Variants in MUC5AC observed in about 807,000 individuals in gnomAD.
MUC5AC encodes mucin-5AC.
In MUC5AC, 158 loss-of-function variants were observed where a neutral mutation model predicts 169.7. The ratio of observed to expected loss-of-function variants is 0.93; its 90% confidence interval spans 0.82 to 1.06. MUC5AC has a LOEUF of 1.06. Among genes scored for constraint, MUC5AC ranks in the 50% least tolerant of loss-of-function variants. MUC5AC has a pLI of 0.00. For synonymous variants in MUC5AC, 1,975 were observed against 1,237.0 expected (o/e 1.60, Z -12.52); for missense variants, 4,359 against 3,089.9 (o/e 1.41, Z -9.74).
chr11:1,164,458 CAG>C lies in MUC5AC; in HGVS notation c.1057_1058del (p.Asp353HisfsTer12). Reference sequence around the variant, plus strand: ...TACCACGAGTGCCGCTCCCCCTGCGCAGACACCTGCTCCAACCAGGAGCACTC... The same window carrying C: ...TACCACGAGTGCCGCTCCCCCTGCGCACACCTGCTCCAACCAGGAGCACTC... On this transcript the variant is annotated frameshift_variant, in exon 9 of 49. Coordinates refer to ENST00000621226, the MANE Select transcript of MUC5AC (RefSeq NM_001304359.2). LOFTEE classifies it high-confidence loss of function. 6.2e-7 allele frequency: 1 copy of C among 1,612,022 alleles called. No individual in the cohort carries two copies. Among genetic ancestry groups the C allele is most frequent in the Non-Finnish European group, 8.5e-7 (1 of 1,179,598 alleles).
rs1264929645 is a variant in MUC5AC, at chr11:1,165,437, T to G, written c.1247+18T>G. The G allele has an allele frequency of 8.9e-6, 13 of 1,455,444 alleles. No homozygotes were observed. Among genetic ancestry groups the G allele is most frequent in the Non-Finnish European group, 1.2e-5 (13 of 1,108,478 alleles). The allele number at this position is 1,455,444 out of a possible 1,614,324, so 90.2% of individuals were successfully genotyped here. On this transcript the variant is annotated intron_variant, in intron 10 of 48. Transcript: ENST00000621226. ...ACCAACTGGTAGGTCCCAGCCCCCCTCCAGGCCACCAAGGATGTGCTATGG... is the reference window on the plus strand; with the variant it reads ...ACCAACTGGTAGGTCCCAGCCCCCCGCCAGGCCACCAAGGATGTGCTATGG...
chr11:1,168,576 AC>A, intron 13 of MUC5AC, 24 bp downstream of exon 13: 2 of 1,612,110 alleles, frequency 1.2e-6, no homozygotes, highest in Non-Finnish European at 1.7e-6. Flanking sequence ...CTTCTTCCCC[AC>A]CCCGGGGCTG....
In MUC5AC at chr11:1,189,747, A is replaced by T; in HGVS notation, c.11602A>T (p.Thr3868Ser). Reference sequence around the variant, plus strand: ...TACAAGCAGCACAACCTCTGCTCCTACAGCCAGCACAATCTCTGCCCCTAC... The same window carrying T: ...TACAAGCAGCACAACCTCTGCTCCTTCAGCCAGCACAATCTCTGCCCCTAC... ...APTSSTTSAP[T>S]ASTISAPTTS... Residue 3868 changes from threonine to serine, a missense_variant, in exon 31 of 49, where the codon ACA (threonine) becomes TCA (serine). Coordinates refer to ENST00000621226, the MANE Select transcript of MUC5AC (RefSeq NM_001304359.2). 1 of 661,952 alleles carries T rather than the reference A, an allele frequency of 1.5e-6. No individual in the cohort carries two copies. The highest frequency in any genetic ancestry group is 2.8e-6 in the Non-Finnish European group (1 of 363,194). 41.0% of individuals were successfully genotyped at this position (661,952 alleles called of 1,614,324 possible). A position where few individuals can be genotyped will look rare whatever the true frequency, so the allele number is the denominator to read the frequency against.
chr11:1,162,206 G>A lies in MUC5AC; in HGVS notation c.473+38G>A, dbSNP rs372150343. The A allele has an allele frequency of 1.2e-4, 196 of 1,594,786 alleles. 3 individuals are homozygous for A. The highest frequency in any genetic ancestry group is 8.8e-4 in the East Asian group (39 of 44,526). ...TCTGGGATGGTGGGGGCCACGCGGC[G>A]TGTGGGGTGGCATTTCCGGGTGGTT... On this transcript the variant is annotated intron_variant, in intron 4 of 48. Transcript: ENST00000621226.
Position 1,177,140 on chromosome 11 carries a change from C to A in MUC5AC, c.2793+74C>A, listed in dbSNP as rs1464548453. Reference sequence around the variant, plus strand: ...CTGCTCACTGCCTCTCTGCGGCTGCCCCAGGGTGCACACAGGTTGTCCCCG... The same window carrying A: ...CTGCTCACTGCCTCTCTGCGGCTGCACCAGGGTGCACACAGGTTGTCCCCG... On this transcript the variant is annotated intron_variant, in intron 22 of 48. Coordinates refer to ENST00000621226, the MANE Select transcript of MUC5AC (RefSeq NM_001304359.2). The A allele has an allele frequency of 5.3e-5, 21 of 398,712 alleles. 1 individual carries two copies. In the South Asian group the frequency reaches 2.5e-3, roughly 48 times the overall value. The allele number at this position is 398,712 out of a possible 1,614,324, so 24.7% of individuals were successfully genotyped here.
chr11:1,186,504 A>T lies in MUC5AC; in HGVS notation c.8359A>T (p.Ser2787Cys). ...CAGCACAATCTCTGCCCCTACAACC[A>T]GCACAACTTTGTCTCCTACAACCAG... ...TTSTISAPTTSTTLSPTTSTT... is the reference protein window; with the variant it reads ...TTSTISAPTTCTTLSPTTSTT... The change falls in exon 31 of 49, where the codon AGC (serine) becomes TGC (cysteine). Residue 2787 changes from serine (S) to cysteine (C), a missense_variant. Coordinates refer to ENST00000621226, the MANE Select transcript of MUC5AC (RefSeq NM_001304359.2). 1.4e-6 allele frequency: 1 copy of T among 695,710 alleles called. No individual in the cohort carries two copies. The allele number at this position is 695,710 out of a possible 1,614,324, so 43.1% of individuals were successfully genotyped here. A position where few individuals can be genotyped will look rare whatever the true frequency, so the allele number is the denominator to read the frequency against.
chr11:1,199,916 G>A lies in MUC5AC; in HGVS notation c.16647G>A (p.Ser5549=), dbSNP rs774598914. ...LIIQQQGCSS[S]EPVRLAYCRG... ...TCCAGCAGCAGGGCTGCAGCTCCTC[G>A]GAGCCCGTGCGCCTGGCTTACTGCC... Residue 5549 remains serine (S), a synonymous_variant, in exon 48 of 49, where the codon TCG becomes TCA. Coordinates refer to ENST00000621226, the MANE Select transcript of MUC5AC (RefSeq NM_001304359.2). 8 of 764,584 alleles carry A rather than the reference G, an allele frequency of 1.0e-5. No individual in the cohort carries two copies. The highest frequency in any genetic ancestry group is 4.0e-5 in the South Asian group (3 of 74,488). 47.4% of individuals were successfully genotyped at this position (764,584 alleles called of 1,614,324 possible).
intron 25 of MUC5AC, 80 bp downstream of exon 25, chr11:1,178,763 G>A: frequency 1.3e-6 from 1 of 762,424 alleles, no homozygotes; most frequent in East Asian, 3.4e-5. Flanking sequence ...AGAAGGGAAT[G>A]GGGTCTGGGA....
Position 1,158,087 on chromosome 11 carries a change from CT to C in MUC5AC, c.73+16del. On this transcript the variant is annotated intron_variant, in intron 1 of 48. Transcript: ENST00000621226. The stretch of plus-strand genomic sequence containing the variant: ...CCGGCATACAGGTACGGCTTGGCCC[CT>C]GGCCGCTCTACTGGTCCTGGGTGGT... 1 of 1,589,316 alleles carries C rather than the reference CT, an allele frequency of 6.3e-7. No homozygotes were observed. The highest frequency in any genetic ancestry group is 1.7e-5 in the Admixed American group (1 of 57,538).
At chr11:1,158,419 T>C (rs1435110889) in intron 1 of MUC5AC, among the ~76,000 whole-genome samples, 1 of 152,216 alleles carries the variant, frequency 6.6e-6, no homozygotes, top group African/African-American at 2.4e-5. Context: ...TGGCCCCTGC[T>C]GGGCCTGGTC....
At position 1,159,722 on chromosome 11, in the gene MUC5AC, C is replaced by T. The variant is rs184546558; in HGVS notation, c.74-890C>T. ...CTGTGTGGGGCTGTGTGGGGCTGTG[C>T]GGGGCTGGGGTCTGGTCCCACCATG... On this transcript the variant is annotated intron_variant, in intron 1 of 48. Transcript: ENST00000621226. Among the ~76,000 whole-genome samples, 146 of 79,002 alleles carry T rather than the reference C, an allele frequency of 1.8e-3. 1 individual carries two copies. Among genetic ancestry groups the T allele is most frequent in the East Asian group, 2.3e-3 (5 of 2,170 alleles). 51.8% of individuals were successfully genotyped at this position (79,002 alleles called of 152,430 possible).
chr11:1,190,429 C>A lies in MUC5AC; in HGVS notation c.12284C>A (p.Thr4095Asn). 3.1e-6 allele frequency: 2 copies of A among 642,844 alleles called. No homozygotes were observed. The highest frequency in any genetic ancestry group is 5.7e-6 in the Non-Finnish European group (2 of 352,478). The allele number at this position is 642,844 out of a possible 1,614,324, so 39.8% of individuals were successfully genotyped here. A position where few individuals can be genotyped will look rare whatever the true frequency, so the allele number is the denominator to read the frequency against. The change falls in exon 31 of 49, where the codon ACC (threonine) becomes AAC (asparagine). Residue 4095 changes from threonine to asparagine, a missense_variant. Physicochemically the swap from Thr to Asn is moderately conservative, Grantham distance 65. Coordinates refer to ENST00000621226, the MANE Select transcript of MUC5AC (RefSeq NM_001304359.2). ...TCCAGGACAACCACTTTGGTGACAACCAGCACAACCTCCACTCCACAGACC... is the reference window on the plus strand; with the variant it reads ...TCCAGGACAACCACTTTGGTGACAAACAGCACAACCTCCACTCCACAGACC... ...QKSRTTTLVT[T>N]STTSTPQTST...
chr11:1,177,164 C>T (rs971156238), intron 22 of MUC5AC, 67 bp from the exon 23 acceptor site: 35 of 398,630 alleles, frequency 8.8e-5, no homozygotes, highest in Admixed American at 1.3e-4. Context: ...AGGTTGTCCC[C>T]GCCTCATCCT....
In MUC5AC at chr11:1,190,152, C is replaced by T. The variant is rs1271094353; in HGVS notation, c.12007C>T (p.Arg4003Ter). 7.8e-6 allele frequency: 6 copies of T among 764,416 alleles called. No homozygotes were observed. The highest frequency in any genetic ancestry group is 1.7e-5 in the African/African-American group (1 of 59,056). 47.4% of individuals were successfully genotyped at this position (764,416 alleles called of 1,614,324 possible). A position where few individuals can be genotyped will look rare whatever the true frequency, so the allele number is the denominator to read the frequency against. ...TGAGGAGATCACCAGGCTCCAGTGCCGAGCCGAGAGCCACCCGGAGGTGAG... is the reference window on the plus strand; with the variant it reads ...TGAGGAGATCACCAGGCTCCAGTGCTGAGCCGAGAGCCACCCGGAGGTGAG... Reference protein sequence around the residue: ...RPEEITRLQCRAESHPEVSIE... With the variant: ...RPEEITRLQC The change falls in exon 31 of 49, where the codon CGA becomes TGA. Residue 4003 changes from arginine to a stop codon, truncating the protein, a stop_gained. Transcript: ENST00000621226. LOFTEE classifies it high-confidence loss of function.
At chr11:1,174,860 C>T in intron 17 of MUC5AC, 22 bp from the exon 18 acceptor site, 1 of 418,860 alleles carries the variant, frequency 2.4e-6, no homozygotes, top group Non-Finnish European at 4.2e-6. Context: ...CCTGAGAATC[C>T]CCTCTTCCTG....
rs1418433645 is a variant in MUC5AC, at chr11:1,186,364, C to T, written c.8219C>T (p.Thr2740Met). ...TSTTSATTTS[T>M]TSAPTPRRTS... ...ACAACCTCTGCCACTACAACCAGCA[C>T]GACCTCTGCTCCTACACCCAGAAGA... The change falls in exon 31 of 49, where the codon ACG (threonine) becomes ATG (methionine). Residue 2740 changes from threonine (T) to methionine (M), a missense_variant. Transcript: ENST00000621226. The T allele has an allele frequency of 4.1e-5, 29 of 714,600 alleles. No individual in the cohort carries two copies. Among genetic ancestry groups the T allele is most frequent in the South Asian group, 2.2e-4 (15 of 68,668 alleles). The allele number at this position is 714,600 out of a possible 1,614,324, so 44.3% of individuals were successfully genotyped here.
chr11:1,193,068 A>G, intron 32 of MUC5AC, 86 bp downstream of exon 32: 1 of 606,876 alleles, frequency 1.6e-6, no homozygotes, highest in Non-Finnish European at 3.0e-6. Context: ...TCAGCTGCAA[A>G]GTCTTGAGAA....
rs781485644 is a variant in MUC5AC, at chr11:1,168,636, C to T, written c.1568-6C>T. 9 of 1,609,876 alleles carry T rather than the reference C, an allele frequency of 5.6e-6. No homozygotes were observed. The Admixed American group carries it at 1.2e-4, about 21-fold the overall frequency. ...CCAGCAAAACCCTTGTCCTTTGTGT[C>T]CCCAGCCAACGTCACCATCTTCAGA... On this transcript the variant is annotated splice_region_variant and splice_polypyrimidine_tract_variant and intron_variant, in intron 13 of 48. Coordinates refer to ENST00000621226, the MANE Select transcript of MUC5AC (RefSeq NM_001304359.2).
At chr11:1,158,194 C>G in intron 1 of MUC5AC, 122 bp downstream of exon 1, 1 of 853,582 alleles carries the variant, frequency 1.2e-6, no homozygotes, top group South Asian at 1.7e-5. Flanking sequence ...CGGCTCCCAG[C>G]AGCATAGCCC....
Sources: allele counts gnomAD v4.1 joint callset (sites outside exome capture counted in the v4.1 genomes callset), GRCh38; gene constraint gnomAD v4.1.1; transcripts MANE v1.5; gene names NCBI Gene and HGNC (gene_info 2026-07-23, HGNC 2026-07-21).